DIP2C: variants seen among roughly 807,000 people sequenced by gnomAD.
The protein encoded by DIP2C is DIP2 acetate--CoA ligase C (putative).
A neutral mutation model predicts 192.4 loss-of-function variants in DIP2C; 33 were observed. That is an observed-to-expected ratio of 0.17 (90% confidence interval 0.13 to 0.23). The LOEUF (loss-of-function observed/expected upper bound fraction) is 0.23, where lower values mean the gene tolerates loss of function less well. DIP2C is among the 10% of genes least tolerant of loss of function. DIP2C has a pLI of 1.00. For missense variants in DIP2C, 1,537 were observed against 2,110.1 expected (o/e 0.73, Z 5.32); for synonymous variants, 979 against 864.1 (o/e 1.13, Z -2.33).
At chr10:336,066 TAAAAAA>T (rs769339224) in intron 29 of DIP2C, among the ~76,000 whole-genome samples, 14 of 149,068 alleles carry the variant, frequency 9.4e-5, no homozygotes, top group Non-Finnish European at 1.6e-4. Flanking sequence ...CCCGGCTAAC[TAAAAAA>T]AAAATGTTTT....
chr10:689,466 G>C lies in DIP2C; in HGVS notation c.85+28C>G. 1.7e-6 allele frequency: 2 copies of C among 1,145,660 alleles called. No individual in the cohort carries two copies. Among genetic ancestry groups the C allele is most frequent in the Non-Finnish European group, 2.2e-6 (2 of 924,870 alleles). 71.0% of individuals were successfully genotyped at this position (1,145,660 alleles called of 1,614,324 possible). On this transcript the variant is annotated intron_variant, in intron 1 of 36. Coordinates refer to ENST00000280886, the MANE Select transcript of DIP2C (RefSeq NM_014974.3). This position sits in a 1 kb window ranked among gnomAD's most constrained non-coding sequence, Gnocchi z 6.1. ...CGCGGCCCTCCCCGGTGACAGCGCG[G>C]CCCGGCCCGGGGCGGGGGCCCGGTT...
chr10:420,809 C>T (rs1325559206), intron 5 of DIP2C, among the ~76,000 whole-genome samples: 2 of 152,216 alleles, frequency 1.3e-5, no homozygotes, highest in East Asian at 3.9e-4. Context: ...TGACCTGAGT[C>T]TGCAGCCCTG....
At chr10:513,270 T>C (rs1057409655) in intron 1 of DIP2C, among the ~76,000 whole-genome samples, 3 of 152,328 alleles carry the variant, frequency 2.0e-5, no homozygotes, top group Admixed American at 6.5e-5. Context: ...GCTACTAAAT[T>C]AATGACTTAG....
At chr10:330,650 G>T (rs1246079192) in intron 29 of DIP2C, among the ~76,000 whole-genome samples, 7 of 141,414 alleles carry the variant, frequency 4.9e-5, no homozygotes, top group African/African-American at 1.3e-4. Flanking sequence ...CACCATGCTT[G>T]TTTTTTTTTT....
At chr10:339,608 A>C (rs982609573) in intron 29 of DIP2C, among the ~76,000 whole-genome samples, 3 of 152,168 alleles carry the variant, frequency 2.0e-5, no homozygotes, top group African/African-American at 7.2e-5. Flanking sequence ...CGGTCACCCT[A>C]CAAGGGCCGT....
intron 1 of DIP2C, chr10:665,320 G>T (rs1405092012): frequency 6.6e-6 from 1 of 151,808 alleles, no homozygotes; most frequent in African/African-American, 2.4e-5. Context: ...ACTAATCATG[G>T]TGGCATCATT....
intron 11 of DIP2C, among the ~76,000 whole-genome samples, 182 bp downstream of exon 11, chr10:390,558 G>A (rs1006077668): frequency 3.3e-5 from 5 of 151,212 alleles, no homozygotes; most frequent in South Asian, 2.1e-4. Context: ...GTTACCTCAC[G>A]TCACCCCACG....
intron 32 of DIP2C, among the ~76,000 whole-genome samples, chr10:308,720 T>TC (rs1956441670): frequency 6.6e-6 from 1 of 152,188 alleles, no homozygotes; most frequent in Admixed American, 6.5e-5. Flanking sequence ...TCCTGAGGGC[T>TC]CCTACGTGGC....
chr10:616,063 T>C (rs1324569286), intron 1 of DIP2C, among the ~76,000 whole-genome samples: 4 of 152,142 alleles, frequency 2.6e-5, no homozygotes, highest in African/African-American at 9.7e-5. Context: ...CTGGGGCAGA[T>C]CTCCTCCTTG....
intron 17 of DIP2C, chr10:370,151 C>T (rs1960791532): frequency 1.5e-6 from 1 of 681,798 alleles, no homozygotes; most frequent in Non-Finnish European, 1.8e-6. Context: ...TTATAAGAAT[C>T]TAAAATAAGA....
chr10:526,873 G>A (rs773306286), intron 1 of DIP2C, among the ~76,000 whole-genome samples: 1 of 152,230 alleles, frequency 6.6e-6, no homozygotes, highest in African/African-American at 2.4e-5. Context: ...GTCCCCGGCA[G>A]AGTCCCTGGT....
At chr10:390,219 CA>C in intron 12 of DIP2C, 44 bp downstream of exon 12, 1 of 1,601,152 alleles carries the variant, frequency 6.2e-7, no homozygotes, top group Non-Finnish European at 8.6e-7. Flanking sequence ...ACGTTAGTGC[CA>C]AGGCCACACT....
At chr10:558,043 A>C (rs990485796) in intron 1 of DIP2C, among the ~76,000 whole-genome samples, 1 of 151,784 alleles carries the variant, frequency 6.6e-6, no homozygotes, top group Non-Finnish European at 1.5e-5. Flanking sequence ...AAAATGCTTA[A>C]GAAGAGTAAG....
chr10:323,930 A>G (rs922351191), intron 31 of DIP2C, among the ~76,000 whole-genome samples: 1 of 151,840 alleles, frequency 6.6e-6, no homozygotes, highest in African/African-American at 2.4e-5. Context: ...TTCTATCACC[A>G]TCAGGTTTTT....
At position 515,623 on chromosome 10, in the gene DIP2C, T is replaced by TG. The variant is rs1426263300; in HGVS notation, c.86-29094dup. 7.2e-5 allele frequency among the ~76,000 whole-genome samples: 11 copies of TG among 152,238 alleles called. No homozygotes were observed. In the East Asian group the frequency reaches 1.5e-3, roughly 21 times the overall value. Reference sequence around the variant, plus strand: ...CTAATAATCCCGCTACTCAAGAGGCTGAGGCAGGAAGAACTGCCTGAACCC... The same window carrying TG: ...CTAATAATCCCGCTACTCAAGAGGCTGGAGGCAGGAAGAACTGCCTGAACCC... On this transcript the variant is annotated intron_variant, in intron 1 of 36. Coordinates refer to ENST00000280886, the MANE Select transcript of DIP2C (RefSeq NM_014974.3).
rs535402337 is a variant in DIP2C at position 435,942 on chromosome 10, A to AC, written c.394+4928dup. Among the ~76,000 whole-genome samples the AC allele has an allele frequency of 2.0e-3, 298 of 152,032 alleles. 1 individual carries two copies. Among genetic ancestry groups the AC allele is most frequent in the Middle Eastern group, 0.01 (3 of 292 alleles). On this transcript the variant is annotated intron_variant, in intron 4 of 36. Coordinates refer to ENST00000280886, the MANE Select transcript of DIP2C (RefSeq NM_014974.3). The stretch of plus-strand genomic sequence containing the variant: ...ATGAGAATCCTATATAGAACTTTAA[A>AC]CCTACTTTGTAGCCTCATATATATA...
Position 329,118 on chromosome 10 carries a change from T to TGAACACTGAACACTTCA in DIP2C, c.3753+298_3753+314dup, listed in dbSNP as rs1333525676. On this transcript the variant is annotated intron_variant, in intron 30 of 36. Coordinates refer to ENST00000280886, the MANE Select transcript of DIP2C (RefSeq NM_014974.3). ...AAAGTTAACATCACCTAAGATCTTC[T>TGAACACTGAACACTTCA]GAACACTGAACACTTCAGAACACTG... is the stretch of plus-strand genomic sequence containing the variant. Among the ~76,000 whole-genome samples the TGAACACTGAACACTTCA allele has an allele frequency of 2.0e-5, 3 of 152,322 alleles. No individual in the cohort carries two copies. The East Asian group carries it at 5.8e-4, about 29-fold the overall frequency.
chr10:324,422 G>C (rs1365321644), intron 31 of DIP2C, among the ~76,000 whole-genome samples: 1 of 152,172 alleles, frequency 6.6e-6, no homozygotes, highest in Non-Finnish European at 1.5e-5. Context: ...TGCCCTCAAA[G>C]ATTCTGGGAA....
intron 1 of DIP2C, among the ~76,000 whole-genome samples, chr10:634,664 T>C (rs931663353): frequency 6.6e-6 from 1 of 151,920 alleles, no homozygotes; most frequent in Admixed American, 6.6e-5. Context: ...GGCAGGAGAA[T>C]TGTTTGAACC....
Sources: allele counts gnomAD v4.1 joint callset (sites outside exome capture counted in the v4.1 genomes callset), GRCh38; gene constraint gnomAD v4.1.1; non-coding constraint Gnocchi (gnomAD v3.1); transcripts MANE v1.5; gene names NCBI Gene and HGNC (gene_info 2026-07-23, HGNC 2026-07-21).